Variants in SVIL observed in about 807,000 individuals in gnomAD.
SVIL encodes archvillin.
A neutral mutation model predicts 240.4 loss-of-function variants in SVIL; 101 were observed. The ratio of observed to expected loss-of-function variants is 0.42; its 90% CI spans 0.36 to 0.50. The LOEUF is 0.50. Among genes scored for constraint, SVIL ranks in the 20% least tolerant of loss-of-function variants. The pLI is 0.01. For synonymous variants in SVIL, 999 were observed against 1,100.0 expected, an observed-to-expected ratio of 0.91 and a Z score of 1.82; for missense variants, 2,512 against 2,818.7, an observed-to-expected ratio of 0.89 and a Z score of 2.46.
chr10:29,722,842 T>C (rs1489429287), intron 1 of SVIL, among the ~76,000 whole-genome samples: 1 of 152,178 alleles, frequency 6.6e-6, no homozygotes, highest in African/African-American at 2.4e-5. Context: ...TCACTGCCGT[T>C]TACTTATTGG....
intron 2 of SVIL, among the ~76,000 whole-genome samples, chr10:29,568,787 GTGGATGGA>G (rs10667163): frequency 2.0e-4 from 28 of 139,782 alleles, no homozygotes; most frequent in East Asian, 4.2e-4. Context: ...GGGTGGATGG[GTGGATGGA>G]TGGATGGATG....
chr10:29,681,035 C>T (rs1960602179), intron 2 of SVIL, among the ~76,000 whole-genome samples: 1 of 152,092 alleles, frequency 6.6e-6, no homozygotes, highest in South Asian at 2.1e-4. Context: ...ACGGAAAGTC[C>T]ATGGGAGAAG....
At chr10:29,718,321 G>A (rs148479343) in intron 1 of SVIL, among the ~76,000 whole-genome samples, 5,911 of 144,788 alleles carry the variant, frequency 0.041, 254 homozygotes, top group African/African-American at 0.11. Context: ...GCAAGACTCC[G>A]TCTCAAAAAA....
rs1373036580 is a variant in SVIL, at chr10:29,533,039, A to G, written c.1328T>C (p.Val443Ala). ...EGEGEEKEED[V>A]CFTEALEQSK... ...TTGCTCGAGAGCTTCAGTGAAGCACACATCTTCTTCTTTTTCTTCTCCTTC... is the reference window on the plus strand; with the variant it reads ...TTGCTCGAGAGCTTCAGTGAAGCACGCATCTTCTTCTTTTTCTTCTCCTTC... Residue 443 changes from valine (V) to alanine (A), a missense_variant, in exon 8 of 38, where the codon GTG becomes GCG. Val to Ala is a moderately conservative substitution (Grantham distance 64, BLOSUM62 0). Transcript: ENST00000355867. 6.2e-7 allele frequency: 1 copy of G among 1,614,044 alleles called. No individual in the cohort carries two copies. Among genetic ancestry groups the G allele is most frequent in the Non-Finnish European group, 8.5e-7 (1 of 1,179,996 alleles).
intron 2 of SVIL, among the ~76,000 whole-genome samples, chr10:29,676,548 A>G (rs1001475457): frequency 1.3e-5 from 2 of 152,208 alleles, no homozygotes; most frequent in Admixed American, 1.3e-4. Context: ...GGAACTGCAC[A>G]CAGAGGTTTG....
intron 6 of SVIL, among the ~76,000 whole-genome samples, chr10:29,541,978 A>C (rs73596045): frequency 0.047 from 7,162 of 152,272 alleles, 562 homozygotes; most frequent in African/African-American, 0.16. Context: ...TGCTGCTCAC[A>C]GTGCGTTCCA....
At chr10:29,533,799 G>T (rs1951552479) in intron 7 of SVIL, among the ~76,000 whole-genome samples, 2 of 152,154 alleles carry the variant, frequency 1.3e-5, no homozygotes, top group Non-Finnish European at 1.5e-5. Context: ...ATGCATTAGG[G>T]CATAATGAGC....
At chr10:29,531,422 C>T (rs984986117) in intron 9 of SVIL, 134 bp from the exon 10 acceptor site, 2 of 873,510 alleles carry the variant, frequency 2.3e-6, no homozygotes, top group Non-Finnish European at 3.5e-6. Flanking sequence ...GGTAGCAATT[C>T]TAGTTGTGAA....
chr10:29,576,540 T>A (rs994986855), intron 1 of SVIL, among the ~76,000 whole-genome samples: 2 of 152,212 alleles, frequency 1.3e-5, no homozygotes, highest in Non-Finnish European at 2.9e-5. Flanking sequence ...ACCCCATCAT[T>A]TATTAAATTA....
intron 3 of SVIL, among the ~76,000 whole-genome samples, chr10:29,653,675 G>C (rs1033467787): frequency 2.0e-5 from 3 of 151,956 alleles, no homozygotes; most frequent in Non-Finnish European, 4.4e-5. Flanking sequence ...AGAGTTTTAA[G>C]GCTTACCTTT....
intron 6 of SVIL, among the ~76,000 whole-genome samples, chr10:29,544,061 A>G (rs1952408881): frequency 6.6e-6 from 1 of 152,188 alleles, no homozygotes; most frequent in Admixed American, 6.5e-5. Flanking sequence ...CCCTAAGTAT[A>G]TAATAGTATA....
rs377130554 is a variant in SVIL, at chr10:29,552,451, TA to T, written c.161-1189del. 5.1e-3 allele frequency among the ~76,000 whole-genome samples: 765 copies of T among 150,710 alleles called. 49 individuals are homozygous for T. The South Asian group carries it at 0.12, about 23-fold the overall frequency. On this transcript the variant is annotated intron_variant, in intron 5 of 37. Transcript: ENST00000355867. ...GGTGGTGCGTGCTTGTAATTCCAGC[TA>T]CTCAGGAGGCTGAGGCAGGAGAATC...
intron 1 of SVIL, among the ~76,000 whole-genome samples, chr10:29,614,406 C>A (rs1289428881): frequency 6.6e-6 from 1 of 152,110 alleles, no homozygotes; most frequent in African/African-American, 2.4e-5. Context: ...GACTTGGAAC[C>A]AACCCAAATG....
chr10:29,629,209 G>A (rs892648656), intron 1 of SVIL, among the ~76,000 whole-genome samples: 3 of 152,064 alleles, frequency 2.0e-5, no homozygotes, highest in Non-Finnish European at 4.4e-5. Flanking sequence ...TAAGACAAAC[G>A]GGAGAGAATG....
chr10:29,514,197 ATTT>A (rs1445855130), intron 16 of SVIL, among the ~76,000 whole-genome samples: 3 of 151,224 alleles, frequency 2.0e-5, no homozygotes, highest in Admixed American at 6.6e-5. Context: ...ATCCATAAAT[ATTT>A]TTATCCATAA....
intron 2 of SVIL, among the ~76,000 whole-genome samples, chr10:29,663,862 A>G (rs1335806892): frequency 1.3e-5 from 2 of 152,240 alleles, no homozygotes; most frequent in African/African-American, 2.4e-5. Flanking sequence ...CAATCAGCAC[A>G]TCGGCAACTG....
intron 2 of SVIL, among the ~76,000 whole-genome samples, chr10:29,680,321 G>A (rs1227927402): frequency 2.0e-5 from 3 of 152,246 alleles, no homozygotes; most frequent in African/African-American, 7.2e-5. Context: ...CTTCTTGGAG[G>A]AGGCACCTGA....
At chr10:29,588,839 A>C (rs1956272886) in intron 1 of SVIL, among the ~76,000 whole-genome samples, 1 of 152,170 alleles carries the variant, frequency 6.6e-6, no homozygotes, top group Non-Finnish European at 1.5e-5. Flanking sequence ...TTTCACATGT[A>C]AAATGTAGAT....
chr10:29,472,826 C>T (rs896891484), intron 30 of SVIL, among the ~76,000 whole-genome samples: 2 of 152,036 alleles, frequency 1.3e-5, no homozygotes, highest in Non-Finnish European at 2.9e-5. Flanking sequence ...CTGTCATGCT[C>T]CTGGGGGATC....
Sources: allele counts gnomAD v4.1 joint callset (sites outside exome capture counted in the v4.1 genomes callset), GRCh38; gene constraint gnomAD v4.1.1; transcripts MANE v1.5; gene names NCBI Gene and HGNC (gene_info 2026-07-23, HGNC 2026-07-21).